SEMA3A: variants seen among roughly 807,000 people sequenced by gnomAD.
The protein encoded by SEMA3A is semaphorin 3A.
In SEMA3A, 29 loss-of-function variants were observed where a neutral mutation model predicts 97.9. That is an observed-to-expected ratio of 0.30 (90% CI 0.22 to 0.40). The LOEUF (loss-of-function observed/expected upper bound fraction) is 0.40, where lower values mean the gene tolerates loss of function less well. SEMA3A is among the 10% of genes least tolerant of loss of function. The probability of loss-of-function intolerance (pLI) is 1.00; values close to 1 mark genes in which losing one functional copy is unlikely to be tolerated. For missense variants in SEMA3A, 763 were observed against 951.3 expected (o/e 0.80, Z 2.60); for synonymous variants, 321 against 323.7 (o/e 0.99, Z 0.09).
At chr7:84,145,111 A>G (rs530751695) in intron 1 of SEMA3A, among the ~76,000 whole-genome samples, 31 of 152,090 alleles carry the variant, frequency 2.0e-4, no homozygotes, top group Admixed American at 2.6e-4. Context: ...TATCTCCCCA[A>G]TGCTTTCCAT....
chr7:84,114,862 G>C (rs1795379130), intron 3 of SEMA3A, among the ~76,000 whole-genome samples: 1 of 151,976 alleles, frequency 6.6e-6, no homozygotes, highest in South Asian at 2.1e-4. Context: ...AAGGAGGTTA[G>C]AAATCTCTTC....
At chr7:84,369,371 C>T (rs138359738) in intron 2 of SEMA3A, among the ~76,000 whole-genome samples, 15 of 150,964 alleles carry the variant, frequency 9.9e-5, no homozygotes, top group Admixed American at 9.3e-4. Flanking sequence ...TGGAATTCAA[C>T]GTACTTTTTT....
At chr7:83,973,805 A>T (rs10258140) in intron 15 of SEMA3A, among the ~76,000 whole-genome samples, 6 of 151,888 alleles carry the variant, frequency 4.0e-5, no homozygotes, top group East Asian at 3.9e-4. Context: ...GTGAAATTCA[A>T]TGATGGCATT....
At chr7:84,013,598 G>A (rs1313883509) in intron 7 of SEMA3A, among the ~76,000 whole-genome samples, 2 of 150,362 alleles carry the variant, frequency 1.3e-5, no homozygotes, top group Non-Finnish European at 2.9e-5. Context: ...GTTCACGCCT[G>A]TAATCCCAGC....
intron 3 of SEMA3A, among the ~76,000 whole-genome samples, chr7:84,216,953 C>T (rs1275299481): frequency 6.6e-6 from 1 of 152,136 alleles, no homozygotes; most frequent in Non-Finnish European, 1.5e-5. Context: ...CACTTTCCCC[C>T]CATATTGCAA....
At chr7:84,312,789 T>C (rs1242520620) in intron 2 of SEMA3A, among the ~76,000 whole-genome samples, 3 of 145,792 alleles carry the variant, frequency 2.1e-5, no homozygotes, top group African/African-American at 7.5e-5. Context: ...CCTTTGAATC[T>C]AAATCACCCA....
chr7:84,251,546 A>G (rs1286485149), intron 3 of SEMA3A, among the ~76,000 whole-genome samples: 1 of 152,230 alleles, frequency 6.6e-6, no homozygotes, highest in East Asian at 1.9e-4. Flanking sequence ...GGCTGACTCA[A>G]GAAAACTATA....
intron 3 of SEMA3A, among the ~76,000 whole-genome samples, chr7:84,202,062 C>A (rs1426381998): frequency 3.9e-5 from 6 of 152,066 alleles, no homozygotes; most frequent in Admixed American, 6.5e-5. Context: ...ATGAGGAAAA[C>A]AAATTTATTT....
At chr7:84,275,063 T>G (rs537086336) in intron 3 of SEMA3A, among the ~76,000 whole-genome samples, 13 of 152,228 alleles carry the variant, frequency 8.5e-5, no homozygotes, top group African/African-American at 2.6e-4. Context: ...CTATTATTAT[T>G]TTTTACATAT....
intron 1 of SEMA3A, among the ~76,000 whole-genome samples, chr7:84,477,906 G>C (rs1047596890): frequency 5.3e-5 from 8 of 152,148 alleles, no homozygotes; most frequent in African/African-American, 1.9e-4. Context: ...CCTTTGTGGA[G>C]CTCATTCTGC....
chr7:84,416,414 A>G (rs1228955), intron 1 of SEMA3A, among the ~76,000 whole-genome samples: 70,185 of 151,840 alleles, frequency 0.46, 17,770 homozygotes, highest in East Asian at 0.78. Flanking sequence ...TCCTAGTCTC[A>G]GGTATGTGTT....
In SEMA3A at chr7:84,414,694, G is replaced by C. The variant is rs1300696328; in HGVS notation, c.-245-42794C>G. 2.0e-5 allele frequency among the ~76,000 whole-genome samples: 3 copies of C among 151,716 alleles called. No homozygotes were observed. In the East Asian group the frequency reaches 5.8e-4, roughly 29 times the overall value. ...GTGGGACATTCTATCAGAAAATTTG[G>C]CTCTATTATTAAAAGAAAAAATGTC... On this transcript the variant is annotated intron_variant, in intron 1 of 3. Transcript: ENST00000424555.
At chr7:84,307,980 A>C (rs997784854) in intron 2 of SEMA3A, among the ~76,000 whole-genome samples, 3 of 152,108 alleles carry the variant, frequency 2.0e-5, no homozygotes, top group Admixed American at 2.0e-4. Context: ...AGCTGGGCCG[A>C]GGATTTAATA....
intron 1 of SEMA3A, among the ~76,000 whole-genome samples, chr7:84,438,653 C>T (rs1327394124): frequency 1.3e-5 from 2 of 151,934 alleles, no homozygotes; most frequent in African/African-American, 2.4e-5. Flanking sequence ...ACATTTTCCC[C>T]ATGATCTGAG....
intron 1 of SEMA3A, among the ~76,000 whole-genome samples, chr7:84,427,924 ATAG>A (rs1264627414): frequency 6.6e-6 from 1 of 152,104 alleles, no homozygotes; most frequent in African/African-American, 2.4e-5. Flanking sequence ...TAGCATTGAT[ATAG>A]TAGGTCTATA....
At chr7:84,267,280 G>T (rs138865354) in intron 3 of SEMA3A, among the ~76,000 whole-genome samples, 11 of 152,132 alleles carry the variant, frequency 7.2e-5, no homozygotes, top group African/African-American at 2.4e-4. Flanking sequence ...TACTCAACCT[G>T]AATTACCAAA....
chr7:84,390,848 T>C (rs189162707), intron 1 of SEMA3A, among the ~76,000 whole-genome samples: 1 of 152,100 alleles, frequency 6.6e-6, no homozygotes, highest in Admixed American at 6.6e-5. Flanking sequence ...GAATGAGGAG[T>C]TAAAAATCAG....
At chr7:84,093,056 T>C (rs1048071326) in intron 4 of SEMA3A, among the ~76,000 whole-genome samples, 4 of 152,184 alleles carry the variant, frequency 2.6e-5, no homozygotes, top group Admixed American at 6.6e-5. Flanking sequence ...ATGACTCGTA[T>C]TGAAATATGG....
At chr7:84,312,446 T>G in intron 2 of SEMA3A, among the ~76,000 whole-genome samples, 1 of 151,752 alleles carries the variant, frequency 6.6e-6, no homozygotes, top group East Asian at 1.9e-4. Flanking sequence ...AACATTTCCC[T>G]TAGAAAATAA....
Sources: allele counts gnomAD v4.1 joint callset (sites outside exome capture counted in the v4.1 genomes callset), GRCh38; gene constraint gnomAD v4.1.1; transcripts MANE v1.5; gene names NCBI Gene and HGNC (gene_info 2026-07-23, HGNC 2026-07-21).